GSK3B: variants seen among roughly 807,000 people sequenced by gnomAD.
GSK3B encodes the protein glycogen synthase kinase-3 beta.
In GSK3B, 15 loss-of-function variants were observed where a neutral mutation model predicts 56.4. The observed-to-expected ratio is 0.27, with a 90% confidence interval of 0.18 to 0.41. The LOEUF is 0.41. Ranked by LOEUF, GSK3B falls within the 10% of genes least tolerant of loss-of-function variation. GSK3B has a pLI of 1.00. For missense variants in GSK3B, 300 were observed against 513.4 expected (o/e 0.58, Z 4.02); for synonymous variants, 181 against 188.9 (o/e 0.96, Z 0.34).
In GSK3B at chr3:119,823,816, G is replaced by A. The variant is rs1334708312; in HGVS notation, c.*2972C>T. 1.5e-5 allele frequency: 3 copies of A among 200,702 alleles called. No individual in the cohort carries two copies. The highest frequency in any genetic ancestry group is 3.1e-5 in the Non-Finnish European group (3 of 97,440). The allele number at this position is 200,702 out of a possible 1,614,324, so 12.4% of individuals were successfully genotyped here. ...TATCACTGAAACTTAACTGTGGAAG[G>A]GGCAAAGATACTGTTATGAGTGAGT... On this transcript the variant is annotated 3_prime_UTR_variant, in exon 11 of 11. Coordinates refer to ENST00000264235, the MANE Select transcript of GSK3B (RefSeq NM_001146156.2).
At chr3:120,026,962 T>C (rs1182173489) in intron 1 of GSK3B, among the ~76,000 whole-genome samples, 1 of 151,498 alleles carries the variant, frequency 6.6e-6, no homozygotes, top group Non-Finnish European at 1.5e-5. Context: ...TCCCAGCTAC[T>C]TGGGAGGCTG....
intron 2 of GSK3B, among the ~76,000 whole-genome samples, chr3:119,964,112 C>T (rs1483988339): frequency 6.6e-6 from 1 of 152,098 alleles, no homozygotes; most frequent in Non-Finnish European, 1.5e-5. Flanking sequence ...AAATGTCTGA[C>T]AAGGAGTTAA....
At chr3:119,886,582 C>T (rs911971625) in intron 7 of GSK3B, among the ~76,000 whole-genome samples, 3 of 151,952 alleles carry the variant, frequency 2.0e-5, no homozygotes, top group Non-Finnish European at 2.9e-5. Context: ...TGCATGTTCA[C>T]CACAGCATTC....
chr3:119,896,513 C>A (rs1261399587), intron 7 of GSK3B, among the ~76,000 whole-genome samples: 6 of 152,066 alleles, frequency 3.9e-5, no homozygotes, highest in Non-Finnish European at 8.8e-5. Flanking sequence ...GCATCACAAG[C>A]CAAGATTTCC....
At chr3:119,911,749 T>C (rs1202316401) in intron 6 of GSK3B, among the ~76,000 whole-genome samples, 1 of 152,230 alleles carries the variant, frequency 6.6e-6, no homozygotes, top group Non-Finnish European at 1.5e-5. Flanking sequence ...TGCAGCTTTT[T>C]ACCCTTAATC....
At chr3:119,919,532 G>GAAAAAAAAAA (rs1191428996) in intron 4 of GSK3B, among the ~76,000 whole-genome samples, 1 of 97,360 alleles carries the variant, frequency 1.0e-5, no homozygotes, top group Non-Finnish European at 2.2e-5. Context: ...AAAAAAAAAA[G>GAAAAAAAAAA]AAAAAAAAAA....
At chr3:119,951,115 A>T (rs540399697) in intron 2 of GSK3B, among the ~76,000 whole-genome samples, 35 of 152,348 alleles carry the variant, frequency 2.3e-4, no homozygotes, top group Admixed American at 2.0e-3. Flanking sequence ...AGAGGCACAG[A>T]GGGCCTAAAT....
intron 1 of GSK3B, among the ~76,000 whole-genome samples, chr3:120,035,578 TATTTA>T (rs2058015333): frequency 6.6e-6 from 1 of 152,262 alleles, no homozygotes; most frequent in African/African-American, 2.4e-5. Context: ...AGAGCACTAT[TATTTA>T]AACAATATTA....
intron 8 of GSK3B, among the ~76,000 whole-genome samples, chr3:119,875,623 T>C (rs148224060): frequency 2.6e-3 from 395 of 152,122 alleles, no homozygotes; most frequent in African/African-American, 8.5e-3. Flanking sequence ...GGTCAGAGTT[T>C]CTGAACTTGT....
intron 3 of GSK3B, among the ~76,000 whole-genome samples, chr3:119,939,966 A>C (rs935503040): frequency 1.3e-5 from 2 of 152,124 alleles, no homozygotes; most frequent in Non-Finnish European, 2.9e-5. Flanking sequence ...TAAGTATGAA[A>C]GTAAAGAAAA....
intron 1 of GSK3B, among the ~76,000 whole-genome samples, chr3:120,066,917 G>A (rs1022269686): frequency 6.6e-5 from 10 of 152,010 alleles, no homozygotes; most frequent in Admixed American, 2.6e-4. Flanking sequence ...CTAGACCAGC[G>A]GTGTCTATTC....
At position 119,863,416 on chromosome 3, in the gene GSK3B, T is replaced by C; in HGVS notation, c.1096+3A>G. ...GGTGAAGAGGCTAAGTGTTTGGAGT[T>C]ACCTTGAGTGGTGAAGTTGAAGAGT... On this transcript the variant is annotated splice_donor_region_variant and intron_variant, in intron 9 of 10. Transcript: ENST00000264235. 6.2e-7 allele frequency: 1 copy of C among 1,611,502 alleles called. No individual in the cohort carries two copies. Among genetic ancestry groups the C allele is most frequent in the Non-Finnish European group, 8.5e-7 (1 of 1,177,626 alleles).
chr3:119,958,948 A>G (rs1432216771), intron 2 of GSK3B, among the ~76,000 whole-genome samples: 4 of 152,166 alleles, frequency 2.6e-5, no homozygotes, highest in African/African-American at 4.8e-5. Context: ...GCATCAGCCT[A>G]TATATCCCCT....
chr3:120,009,560 T>C (rs1383880883), intron 1 of GSK3B, among the ~76,000 whole-genome samples: 1 of 152,048 alleles, frequency 6.6e-6, no homozygotes, highest in Non-Finnish European at 1.5e-5. Flanking sequence ...GAAACCATCA[T>C]TCCATCATTC....
chr3:119,905,422 G>A (rs528176818), intron 7 of GSK3B, among the ~76,000 whole-genome samples: 1 of 152,188 alleles, frequency 6.6e-6, no homozygotes, highest in East Asian at 1.9e-4. Flanking sequence ...AGCAAAAGCA[G>A]ACACAGCTTC....
intron 2 of GSK3B, among the ~76,000 whole-genome samples, chr3:119,976,726 T>C (rs537651095): frequency 1.1e-4 from 16 of 149,136 alleles, no homozygotes; most frequent in South Asian, 2.1e-4. Context: ...TCAATAAGGT[T>C]GTTATAAATA....
chr3:119,922,228 G>GGGAGGGAA (rs1406341579), intron 4 of GSK3B, among the ~76,000 whole-genome samples: 30 of 61,464 alleles, frequency 4.9e-4, no homozygotes, highest in African/African-American at 2.4e-3. Context: ...GAAGGAAGGA[G>GGGAGGGAA]GGAAGGAAGG....
At chr3:119,933,387 C>G (rs902887894) in intron 3 of GSK3B, among the ~76,000 whole-genome samples, 4 of 152,100 alleles carry the variant, frequency 2.6e-5, no homozygotes, top group Non-Finnish European at 5.9e-5. Flanking sequence ...TAGAGCCCCC[C>G]CAAATAGACT....
At position 119,970,493 on chromosome 3, in the gene GSK3B, C is replaced by T. The variant is rs1272581967; in HGVS notation, c.283-23142G>A. ...AGAATAAAAAACAAAAACGATCAGC[C>T]GGGCGCGGTGGCTCACGCCTGTAAT... is the stretch of plus-strand genomic sequence containing the variant. On this transcript the variant is annotated intron_variant, in intron 2 of 10. Transcript: ENST00000264235. 2.0e-5 allele frequency among the ~76,000 whole-genome samples: 3 copies of T among 151,828 alleles called. 1 individual carries two copies. The South Asian group carries it at 6.2e-4, about 31-fold the overall frequency.
Sources: allele counts gnomAD v4.1 joint callset (sites outside exome capture counted in the v4.1 genomes callset), GRCh38; gene constraint gnomAD v4.1.1; transcripts MANE v1.5; gene names NCBI Gene and HGNC (gene_info 2026-07-23, HGNC 2026-07-21).